STARD13: variants seen among roughly 807,000 people sequenced by gnomAD.
STARD13 encodes the protein stAR-related lipid transfer protein 13.
In STARD13, 62 loss-of-function variants were observed where a neutral mutation model predicts 106.4. The observed-to-expected ratio is 0.58, with a 90% confidence interval of 0.48 to 0.72. STARD13 has a LOEUF of 0.72. STARD13 is among the 30% of genes least tolerant of loss of function. The pLI is 0.00. For synonymous variants in STARD13, 565 were observed against 553.0 expected, an observed-to-expected ratio of 1.02 and a Z score of -0.31; for missense variants, 1,387 against 1,424.0, an observed-to-expected ratio of 0.97 and a Z score of 0.42.
chr13:33,168,193 A>G (rs1193261471), intron 1 of STARD13, among the ~76,000 whole-genome samples: 1 of 152,186 alleles, frequency 6.6e-6, no homozygotes, highest in African/African-American at 2.4e-5. Flanking sequence ...CCCATGCATT[A>G]TAACAAAATG....
chr13:33,655,112 T>G, the STARD13 span, among the ~76,000 whole-genome samples: 3 of 152,254 alleles, frequency 2.0e-5, no homozygotes, highest in Non-Finnish European at 4.4e-5. Flanking sequence ...TTAATTGACT[T>G]TAATGGGACG....
chr13:33,430,488 T>A, the STARD13 span, among the ~76,000 whole-genome samples: 1 of 152,132 alleles, frequency 6.6e-6, no homozygotes, highest in African/African-American at 2.4e-5. Context: ...GGAAATGTAA[T>A]TTAGTACACT....
chr13:33,402,941 C>T, the STARD13 span, among the ~76,000 whole-genome samples: 1 of 152,198 alleles, frequency 6.6e-6, no homozygotes, highest in Non-Finnish European at 1.5e-5. Context: ...GTGTGTGAAC[C>T]GATTCTTCTG....
chr13:33,292,849 C>A (rs1892346243), intron 1 of STARD13, among the ~76,000 whole-genome samples: 1 of 152,024 alleles, frequency 6.6e-6, no homozygotes, highest in Non-Finnish European at 1.5e-5. Flanking sequence ...CAGCACTTTC[C>A]AGCTTAAAAT....
the STARD13 span, among the ~76,000 whole-genome samples, chr13:33,650,164 ATTTTTTTTTTTTTTTTTTTTTTTTTT>A: frequency 3.7e-4 from 18 of 48,376 alleles, no homozygotes; most frequent in African/African-American, 4.9e-4. Context: ...CGTGACTCCA[ATTTTTTTTTTTTTTTTTTTTTTTTTT>A]TTTTTTTTTT....
Position 33,237,980 on chromosome 13 carries a change from C to T in STARD13, c.169+47490G>A, listed in dbSNP as rs532509289. ...CTTTCAAGAACACATCTTATGTAAA[C>T]GACACAGAGTAACTGATCAGTATCA... On this transcript the variant is annotated intron_variant, in intron 1 of 13. Coordinates refer to ENST00000336934, the MANE Select transcript of STARD13 (RefSeq NM_178006.4). 1.2e-4 allele frequency among the ~76,000 whole-genome samples: 19 copies of T among 152,230 alleles called. No homozygotes were observed. The South Asian group carries it at 1.7e-3, about 13-fold the overall frequency.
chr13:33,336,774 A>AAAAAT (rs60513530), intron 1 of STARD13: 3 of 151,046 alleles, frequency 2.0e-5, no homozygotes, highest in Non-Finnish European at 4.4e-5. Flanking sequence ...AAAAAAAAAA[A>AAAAAT]TTCTCCTTAC....
chr13:33,442,563 A>G, the STARD13 span, among the ~76,000 whole-genome samples: 1 of 152,398 alleles, frequency 6.6e-6, no homozygotes, highest in East Asian at 1.9e-4. Flanking sequence ...CAGAATAGGA[A>G]CATTTCAAGT....
At chr13:33,596,009 A>T in the STARD13 span, among the ~76,000 whole-genome samples, 2 of 152,268 alleles carry the variant, frequency 1.3e-5, no homozygotes, top group South Asian at 2.1e-4. Flanking sequence ...TTGAAATCAG[A>T]TGCTCTTCCA....
chr13:33,304,757 T>G (rs1009318066), intron 1 of STARD13, among the ~76,000 whole-genome samples: 2 of 152,236 alleles, frequency 1.3e-5, no homozygotes, highest in Admixed American at 1.3e-4. Context: ...TAAAACACTT[T>G]GTTTTACTTC....
chr13:33,518,637 G>A, the STARD13 span, among the ~76,000 whole-genome samples: 1,042 of 152,174 alleles, frequency 6.8e-3, 11 homozygotes, highest in African/African-American at 0.023. Context: ...TTTGGGGAGG[G>A]TGGGGAGGAT....
rs596742 is a variant in STARD13 at position 33,130,017 on chromosome 13, C to T, written c.660G>A (p.Pro220=). ...TGACGAGTGGGGCATCCAGCATGAC[C>T]GGGTTGTCTGTACAGCACTGGCCCG... ...SQPGQCCTDN[P]VMLDAPLVSS... The change falls in exon 5 of 14, where the codon CCG becomes CCA. Residue 220 remains proline, a synonymous_variant. Coordinates refer to ENST00000336934, the MANE Select transcript of STARD13 (RefSeq NM_178006.4). This position sits in a 1 kb window ranked among gnomAD's most constrained non-coding sequence, Gnocchi z 4.1. The T allele has an allele frequency of 0.087, 140,267 of 1,612,910 alleles. 7,242 individuals are homozygous for T. Among genetic ancestry groups the T allele is most frequent in the African/African-American group, 0.19 (14,209 of 74,948 alleles).
chr13:33,254,187 C>T (rs537538023), intron 1 of STARD13, among the ~76,000 whole-genome samples: 20 of 152,254 alleles, frequency 1.3e-4, no homozygotes, highest in Non-Finnish European at 2.8e-4. Context: ...GGTGGCAAAG[C>T]GGACTGAGGT....
the STARD13 span, among the ~76,000 whole-genome samples, chr13:33,496,071 A>C: frequency 1.4e-5 from 2 of 141,328 alleles, no homozygotes; most frequent in African/African-American, 5.1e-5. Context: ...AGTTATATAT[A>C]GTTAATATAT....
the STARD13 span, among the ~76,000 whole-genome samples, chr13:33,488,331 G>A: frequency 3.3e-5 from 5 of 152,236 alleles, no homozygotes; most frequent in Admixed American, 2.0e-4. Context: ...TCTCCTCGGT[G>A]CTTTATTTCT....
At chr13:33,270,161 G>A (rs1411108069) in intron 1 of STARD13, among the ~76,000 whole-genome samples, 1 of 152,154 alleles carries the variant, frequency 6.6e-6, no homozygotes. Context: ...GCTTGAACCT[G>A]GGAGGCAGAG....
chr13:33,242,729 C>T (rs2138255403), intron 1 of STARD13, among the ~76,000 whole-genome samples: 1 of 151,666 alleles, frequency 6.6e-6, no homozygotes, highest in African/African-American at 2.4e-5. Context: ...CTCCAAGAAA[C>T]ACCCAAGAAT....
At chr13:33,574,243 C>T in the STARD13 span, among the ~76,000 whole-genome samples, 1 of 152,210 alleles carries the variant, frequency 6.6e-6, no homozygotes, top group African/African-American at 2.4e-5. Context: ...TCCTAAACTG[C>T]CATCAAGTTT....
At chr13:33,167,015 C>CAAAAAAAAAAAA (rs1010175989) in intron 2 of STARD13, among the ~76,000 whole-genome samples, 2 of 139,248 alleles carry the variant, frequency 1.4e-5, no homozygotes, top group African/African-American at 5.6e-5. Context: ...AAAAAAAAAC[C>CAAAAAAAAAAAA]AAAAAAAAAT....
Sources: gnomAD v4.1 joint callset for allele counts (sites outside exome capture counted in the v4.1 genomes callset) on GRCh38, gnomAD v4.1.1 for gene constraint, Gnocchi (gnomAD v3.1) non-coding constraint, MANE v1.5 for transcripts, NCBI Gene and HGNC (gene_info 2026-07-23, HGNC 2026-07-21) for gene names.